WWOX: variants seen among roughly 807,000 people sequenced by gnomAD.
WWOX encodes the protein WW domain containing oxidoreductase.
In WWOX, 69 loss-of-function variants were observed where a neutral mutation model predicts 46.2. The observed-to-expected ratio is 1.49, with a 90% confidence interval of 1.23 to 1.82. The LOEUF is 1.82. Ranked by LOEUF, WWOX falls within the 40% of genes most tolerant of loss-of-function variation. The pLI, the probability that WWOX is intolerant of heterozygous loss-of-function variation, is 0.00. For synonymous variants in WWOX, 359 were observed against 202.6 expected (o/e 1.77, Z -6.56); for missense variants, 919 against 542.6 (o/e 1.69, Z -6.89).
chr16:79,099,571 T>A (rs532750776), intron 8 of WWOX, among the ~76,000 whole-genome samples: 1 of 147,574 alleles, frequency 6.8e-6, no homozygotes, highest in Non-Finnish European at 1.5e-5. Context: ...AGATTGTGTG[T>A]GCGTGTGTGT....
chr16:78,686,206 G>A (rs1199993643), intron 8 of WWOX, among the ~76,000 whole-genome samples: 1 of 152,092 alleles, frequency 6.6e-6, no homozygotes, highest in Non-Finnish European at 1.5e-5. Context: ...AGCAACACCA[G>A]CATCACTCAG....
At chr16:78,140,587 C>G (rs1238340932) in intron 4 of WWOX, among the ~76,000 whole-genome samples, 1 of 152,124 alleles carries the variant, frequency 6.6e-6, no homozygotes, top group Non-Finnish European at 1.5e-5. Context: ...TAATTCCAGT[C>G]TCTGCCTCCA....
chr16:78,160,276 G>A (rs2034750957), intron 4 of WWOX, among the ~76,000 whole-genome samples: 1 of 151,910 alleles, frequency 6.6e-6, no homozygotes. Flanking sequence ...GGGACCACAG[G>A]TGTGCACCAC....
chr16:78,415,914 G>A (rs1187130147), intron 6 of WWOX, among the ~76,000 whole-genome samples: 6 of 152,156 alleles, frequency 3.9e-5, no homozygotes, highest in Non-Finnish European at 8.8e-5. Context: ...TTTGTAAATA[G>A]CATCCCCACA....
At chr16:78,501,498 CT>C (rs2085067340) in intron 8 of WWOX, among the ~76,000 whole-genome samples, 1 of 151,574 alleles carries the variant, frequency 6.6e-6, no homozygotes, top group Admixed American at 6.6e-5. Flanking sequence ...GTACTGCTCA[CT>C]TTGGGCTGTA....
At chr16:78,496,952 G>T (rs1197702707) in intron 8 of WWOX, among the ~76,000 whole-genome samples, 1 of 152,240 alleles carries the variant, frequency 6.6e-6, no homozygotes, top group Admixed American at 6.5e-5. Context: ...TCCAGAAGGA[G>T]AATGAAATGC....
intron 8 of WWOX, among the ~76,000 whole-genome samples, chr16:79,009,544 A>C (rs570654453): frequency 1.3e-5 from 2 of 151,854 alleles, no homozygotes; most frequent in East Asian, 3.9e-4. Flanking sequence ...CTCGGCTCAC[A>C]GTAACCTCTG....
chr16:78,996,445 C>G (rs1213913308), intron 8 of WWOX: 4 of 602,936 alleles, frequency 6.6e-6, no homozygotes, highest in Non-Finnish European at 8.1e-6. Flanking sequence ...GAGGCATATT[C>G]AAAGTGCTCA....
chr16:78,842,206 A>G (rs2052170272), intron 8 of WWOX, among the ~76,000 whole-genome samples: 2 of 152,122 alleles, frequency 1.3e-5, no homozygotes, highest in Non-Finnish European at 2.9e-5. Flanking sequence ...GTCAAAATTC[A>G]AAATGGGTTG....
intron 8 of WWOX, among the ~76,000 whole-genome samples, chr16:78,916,160 C>T (rs1259438027): frequency 2.0e-5 from 3 of 152,140 alleles, no homozygotes; most frequent in Non-Finnish European, 2.9e-5. Context: ...ATGCTCTCAG[C>T]CGAATCCTAA....
intron 8 of WWOX, among the ~76,000 whole-genome samples, chr16:78,735,385 C>CCAGACACA (rs1452058497): frequency 9.6e-6 from 1 of 103,914 alleles, no homozygotes; most frequent in Non-Finnish European, 1.8e-5. Context: ...GTCATACACA[C>CCAGACACA]CACACACAAA....
intron 8 of WWOX, among the ~76,000 whole-genome samples, chr16:78,647,026 C>G (rs1046535968): frequency 4.6e-5 from 7 of 152,156 alleles, no homozygotes; most frequent in Non-Finnish European, 7.3e-5. Context: ...AAGAGTCTTT[C>G]TCTTCCTTTT....
intron 8 of WWOX, among the ~76,000 whole-genome samples, chr16:78,998,882 G>T (rs1467975828): frequency 2.6e-5 from 4 of 152,210 alleles, no homozygotes; most frequent in Admixed American, 2.6e-4. Flanking sequence ...TGCCTGGCAG[G>T]GGCGGTGTCC....
At chr16:78,442,575 T>C (rs1258428029) in intron 8 of WWOX, among the ~76,000 whole-genome samples, 1 of 152,134 alleles carries the variant, frequency 6.6e-6, no homozygotes, top group Non-Finnish European at 1.5e-5. Flanking sequence ...TGGCTTATTT[T>C]ACGATAAATT....
chr16:78,720,045 C>T (rs1175689918), intron 8 of WWOX, among the ~76,000 whole-genome samples: 1 of 152,126 alleles, frequency 6.6e-6, no homozygotes, highest in African/African-American at 2.4e-5. Context: ...TATGAAATGA[C>T]TGTTTTCAGA....
At chr16:78,387,432 C>T (rs907637646) in intron 6 of WWOX, among the ~76,000 whole-genome samples, 1 of 151,582 alleles carries the variant, frequency 6.6e-6, no homozygotes, top group Non-Finnish European at 1.5e-5. Context: ...AACATGGACT[C>T]ACATTCCTTT....
At chr16:78,774,118 C>G (rs1228696128) in intron 8 of WWOX, among the ~76,000 whole-genome samples, 7 of 152,144 alleles carry the variant, frequency 4.6e-5, no homozygotes, top group African/African-American at 1.7e-4. Flanking sequence ...AACATTACTT[C>G]TAGGCTGGGT....
At chr16:78,967,748 C>T (rs1231424924) in intron 8 of WWOX, among the ~76,000 whole-genome samples, 1 of 152,084 alleles carries the variant, frequency 6.6e-6, no homozygotes, top group Admixed American at 6.5e-5. Context: ...TAGGAGGACT[C>T]AGAAGCTGGA....
At chr16:79,033,730 C>G (rs1244190146) in intron 8 of WWOX, among the ~76,000 whole-genome samples, 4 of 152,182 alleles carry the variant, frequency 2.6e-5, no homozygotes, top group Admixed American at 6.5e-5. Flanking sequence ...CTCCCCAAGC[C>G]CAGCCCCTGG....
Sources: gnomAD v4.1 joint callset for allele counts (sites outside exome capture counted in the v4.1 genomes callset) on GRCh38, gnomAD v4.1.1 for gene constraint, MANE v1.5 for transcripts, NCBI Gene and HGNC (gene_info 2026-07-23, HGNC 2026-07-21) for gene names.